DIPK2B: variants seen among roughly 807,000 people sequenced by gnomAD.
The protein encoded by DIPK2B is divergent protein kinase domain 2B.
A neutral mutation model predicts 22.2 loss-of-function variants in DIPK2B; 15 were observed. The ratio of observed to expected loss-of-function variants is 0.68; its 90% CI spans 0.45 to 1.04. The LOEUF is 1.04. Among genes scored for constraint, DIPK2B ranks in the 50% least tolerant of loss-of-function variants. The pLI is 0.00. For synonymous variants in DIPK2B, 163 were observed against 153.2 expected, an observed-to-expected ratio of 1.06 and a Z score of -0.47; for missense variants, 345 against 348.3, an observed-to-expected ratio of 0.99 and a Z score of 0.08.
At chrX:45,193,931 G>A (rs935149762) in intron 1 of DIPK2B, among the ~76,000 whole-genome samples, 4 of 87,883 alleles carry the variant, frequency 4.6e-5, no homozygotes, top group Non-Finnish European at 9.0e-5. Context: ...CCCACTCCCC[G>A]GCCACTAAAG....
rs1431929196 is a variant in DIPK2B, at chrX:45,153,922, C to A, written c.949G>T (p.Asp317Tyr). The change falls in exon 4 of 5, where the codon GAC becomes TAC. Residue 317 changes from aspartate to tyrosine, a missense_variant. Transcript: ENST00000398000. ...IRDASAVGVI[D>Y]KQEGSQEANR... Reference sequence around the variant, plus strand: ...CCATGCTGAGTACCTTCCTGCTTGTCGATGACGCCCACTGCACTGGCATCC... The same window carrying A: ...CCATGCTGAGTACCTTCCTGCTTGTAGATGACGCCCACTGCACTGGCATCC... 2 of 1,208,927 alleles carry A rather than the reference C, an allele frequency of 1.7e-6. No individual in the cohort carries two copies. The highest frequency in any genetic ancestry group is 2.2e-6 in the Non-Finnish European group (2 of 894,090).
At chrX:45,196,584 A>G (rs774377098) in intron 1 of DIPK2B, among the ~76,000 whole-genome samples, 1 of 111,174 alleles carries the variant, frequency 9.0e-6, no homozygotes, top group South Asian at 3.9e-4. Context: ...TGGAGGTGGT[A>G]CATAAGACCA....
chrX:45,171,174 A>G (rs985181531), intron 2 of DIPK2B, among the ~76,000 whole-genome samples: 1 of 110,775 alleles, frequency 9.0e-6, no homozygotes, highest in African/African-American at 3.3e-5. Flanking sequence ...CCTGGACATC[A>G]TCGGGCTTAT....
chrX:45,160,346 T>C (rs1292645921), intron 2 of DIPK2B, among the ~76,000 whole-genome samples: 2 of 110,740 alleles, frequency 1.8e-5, no homozygotes, highest in Non-Finnish European at 3.8e-5. Flanking sequence ...TAGCTGGGAT[T>C]ACAGGCATGC....
chrX:45,154,045 C>G lies in DIPK2B; in HGVS notation c.826G>C (p.Glu276Gln). 8.3e-7 allele frequency: 1 copy of G among 1,211,198 alleles called. No homozygotes were observed. The highest frequency in any genetic ancestry group is 1.1e-6 in the Non-Finnish European group (1 of 895,360). The stretch of plus-strand genomic sequence containing the variant: ...TTCAAATCGTTGCTCCTCAAAGACT[C>G]CAGGACACCCAGGAGCTGGTAGGCA... ...DLAYQLLGVLESLRSNDLNYF... is the reference protein window; with the variant it reads ...DLAYQLLGVLQSLRSNDLNYF... Residue 276 changes from glutamate (E) to glutamine (Q), a missense_variant, in exon 4 of 5, where the codon GAG becomes CAG. By Grantham distance (29) the Glu-to-Gln change is conservative. Transcript: ENST00000398000.
intron 2 of DIPK2B, among the ~76,000 whole-genome samples, chrX:45,159,209 C>T (rs1221278648): frequency 9.0e-6 from 1 of 111,463 alleles, no homozygotes; most frequent in Non-Finnish European, 1.9e-5. Context: ...GAAGGTATCT[C>T]TGGGAGAGAT....
At chrX:45,182,675 G>A (rs745437634) in intron 2 of DIPK2B, among the ~76,000 whole-genome samples, 1 of 112,375 alleles carries the variant, frequency 8.9e-6, no homozygotes, top group Non-Finnish European at 1.9e-5. Flanking sequence ...ATCACAGAGC[G>A]GTGTTGTTTC....
At chrX:45,165,143 A>G (rs1018338613) in intron 2 of DIPK2B, among the ~76,000 whole-genome samples, 1 of 111,020 alleles carries the variant, frequency 9.0e-6, no homozygotes, top group Non-Finnish European at 1.9e-5. Flanking sequence ...GACAGATAAC[A>G]TGGGCTGTTC....
intron 3 of DIPK2B, among the ~76,000 whole-genome samples, chrX:45,156,946 C>A (rs1002058085): frequency 9.3e-6 from 1 of 107,464 alleles, no homozygotes; most frequent in Non-Finnish European, 1.9e-5. Flanking sequence ...GCCTTCCTTC[C>A]TCTTCCTTTT....
At chrX:45,200,199 G>A (rs1042013090) in intron 1 of DIPK2B, among the ~76,000 whole-genome samples, 1 of 111,428 alleles carries the variant, frequency 9.0e-6, no homozygotes, top group African/African-American at 3.3e-5. Context: ...CTATGTCTCA[G>A]CTTACCACCT....
intron 2 of DIPK2B, among the ~76,000 whole-genome samples, chrX:45,179,913 G>A (rs1189737215): frequency 8.9e-6 from 1 of 111,803 alleles, no homozygotes; most frequent in African/African-American, 3.3e-5. Flanking sequence ...ATAAACTAGA[G>A]TAGAAGGAAA....
intron 3 of DIPK2B, among the ~76,000 whole-genome samples, 180 bp from the exon 4 acceptor site, chrX:45,154,378 A>G (rs1334516946): frequency 9.1e-6 from 1 of 110,026 alleles, no homozygotes; most frequent in Non-Finnish European, 1.9e-5. Flanking sequence ...ATCTATCTCT[A>G]TCTACCTATA....
intron 2 of DIPK2B, among the ~76,000 whole-genome samples, chrX:45,168,799 C>T (rs895312413): frequency 2.7e-5 from 3 of 111,851 alleles, no homozygotes; most frequent in African/African-American, 6.5e-5. Context: ...GCCTGCGGAG[C>T]GGTCTCTGCT....
At chrX:45,198,023 A>G (rs778831945) in intron 1 of DIPK2B, among the ~76,000 whole-genome samples, 1 of 112,748 alleles carries the variant, frequency 8.9e-6, no homozygotes, top group East Asian at 2.8e-4. Context: ...GATTGATGCA[A>G]TTGAATACCA....
At chrX:45,164,348 G>C in intron 2 of DIPK2B, 1 of 905,614 alleles carries the variant, frequency 1.1e-6, no homozygotes, top group East Asian at 3.4e-5. Context: ...GCAAATGGCA[G>C]ATAGCATTAT....
At chrX:45,183,194 T>C (rs747793805) in intron 2 of DIPK2B, 2 of 112,306 alleles carry the variant, frequency 1.8e-5, no homozygotes, top group African/African-American at 6.5e-5. Context: ...AGAATTTTGG[T>C]GGATAACAAA....
intron 1 of DIPK2B, among the ~76,000 whole-genome samples, chrX:45,200,166 C>T (rs1050564381): frequency 1.8e-5 from 2 of 111,625 alleles, no homozygotes; most frequent in African/African-American, 3.3e-5. Context: ...CCCATTTCCC[C>T]CCACTGAAGT....
At chrX:45,171,238 C>T (rs889341516) in intron 2 of DIPK2B, among the ~76,000 whole-genome samples, 1 of 110,822 alleles carries the variant, frequency 9.0e-6, no homozygotes, top group African/African-American at 3.3e-5. Context: ...TCTCCGGTAG[C>T]CTGTGTGAGC....
rs753555891 is a variant in DIPK2B, at chrX:45,164,225, G to C, written c.499-6337C>G. On this transcript the variant is annotated intron_variant, in intron 2 of 4. Coordinates refer to ENST00000398000, the MANE Select transcript of DIPK2B (RefSeq NM_176819.4). ...TATCTCAGCATACACAGGAACTTTA[G>C]TTCTCTCTGGCCCTGGTGACAGTCC... 5 of 1,201,942 alleles carry C rather than the reference G, an allele frequency of 4.2e-6. No individual in the cohort carries two copies. The East Asian group carries it at 1.5e-4, about 36-fold the overall frequency.
Sources: gnomAD v4.1 joint callset for allele counts (sites outside exome capture counted in the v4.1 genomes callset) on GRCh38, gnomAD v4.1.1 for gene constraint, MANE v1.5 for transcripts, NCBI Gene and HGNC (gene_info 2026-07-23, HGNC 2026-07-21) for gene names.